The following RAD51B variants were observed in gnomAD, a reference collection of about 807,000 sequenced individuals.
RAD51B encodes the protein RAD51 paralog B.
Under a neutral mutation model 42.2 loss-of-function variants are expected in RAD51B, and 38 were observed. That is an observed-to-expected ratio of 0.90 (90% CI 0.70 to 1.18). RAD51B has a LOEUF of 1.18. RAD51B is among the 50% of genes most tolerant of loss of function. The probability of loss-of-function intolerance (pLI) is 0.00; values close to 1 mark genes in which losing one functional copy is unlikely to be tolerated. For missense variants in RAD51B, 373 were observed against 400.7 expected (o/e 0.93, Z 0.59); for synonymous variants, 154 against 145.2 (o/e 1.06, Z -0.43).
intron 10 of RAD51B, among the ~76,000 whole-genome samples, chr14:68,505,749 C>T (rs544605774): frequency 1.9e-4 from 29 of 152,148 alleles, no homozygotes; most frequent in Admixed American, 1.9e-3. Flanking sequence ...GATGGGGTTT[C>T]ACCATGTTGG....
At chr14:67,960,467 T>C (rs755514227) in intron 7 of RAD51B, among the ~76,000 whole-genome samples, 8 of 152,214 alleles carry the variant, frequency 5.3e-5, no homozygotes, top group Non-Finnish European at 1.2e-4. Flanking sequence ...TCTTTCACTT[T>C]AGAAAAATAG....
At chr14:68,358,633 G>A (rs554713883) in intron 8 of RAD51B, among the ~76,000 whole-genome samples, 2 of 152,010 alleles carry the variant, frequency 1.3e-5, no homozygotes, top group Non-Finnish European at 2.9e-5. Flanking sequence ...GCATCTTTTT[G>A]TATGTTTATT....
chr14:68,472,310 G>A (rs2086146447), intron 10 of RAD51B, among the ~76,000 whole-genome samples: 1 of 152,194 alleles, frequency 6.6e-6, no homozygotes, highest in Admixed American at 6.5e-5. Flanking sequence ...TCAAGGCCAA[G>A]AATAAAGATT....
rs1325376167 is a variant in RAD51B, at chr14:67,974,022, C to G, written c.756+86818C>G. On this transcript the variant is annotated intron_variant, in intron 7 of 10. Coordinates refer to ENST00000471583, the MANE Select transcript of RAD51B (RefSeq NM_133510.4). ...TTTTAGATTCAGATAAATGCTTTGA[C>G]ATTCCAAGTCAAAATTTGAGATGAT... is the stretch of plus-strand genomic sequence containing the variant. Among the ~76,000 whole-genome samples the G allele has an allele frequency of 3.3e-5, 5 of 152,024 alleles. No homozygotes were observed. The East Asian group carries it at 5.8e-4, about 18-fold the overall frequency.
At chr14:68,376,259 G>A (rs1460554298) in intron 8 of RAD51B, among the ~76,000 whole-genome samples, 5 of 151,974 alleles carry the variant, frequency 3.3e-5, no homozygotes, top group Admixed American at 6.6e-5. Context: ...TTGTATCTAC[G>A]ACCTCATGAA....
chr14:68,075,260 G>T (rs2076813882), intron 7 of RAD51B, among the ~76,000 whole-genome samples: 1 of 152,176 alleles, frequency 6.6e-6, no homozygotes, highest in African/African-American at 2.4e-5. Context: ...TCCTTGTAGG[G>T]TGGCTGTGGC....
intron 5 of RAD51B, among the ~76,000 whole-genome samples, chr14:67,882,233 A>G (rs1482808526): frequency 6.6e-6 from 1 of 151,994 alleles, no homozygotes; most frequent in Admixed American, 6.6e-5. Context: ...TTGGCCTCCT[A>G]AAGTGTTGGG....
chr14:68,157,661 T>C lies in RAD51B; in HGVS notation c.757-134223T>C, dbSNP rs192970872. On this transcript the variant is annotated intron_variant, in intron 7 of 10. Coordinates refer to ENST00000471583, the MANE Select transcript of RAD51B (RefSeq NM_133510.4). ...TATATTGTAATTCTGTTTTCTGTCT[T>C]ATTTCAGAAGCAGCAATCCAGATGA... Among the ~76,000 whole-genome samples, 188 of 152,354 alleles carry C rather than the reference T, an allele frequency of 1.2e-3. 1 individual carries two copies. The highest frequency in any genetic ancestry group is 2.2e-3 in the Non-Finnish European group (150 of 68,038).
intron 7 of RAD51B, among the ~76,000 whole-genome samples, chr14:68,290,661 T>C (rs1255607863): frequency 6.6e-6 from 1 of 152,222 alleles, no homozygotes; most frequent in East Asian, 1.9e-4. Flanking sequence ...AATTTAACTA[T>C]TTAAAAGAGG....
intron 7 of RAD51B, among the ~76,000 whole-genome samples, chr14:68,084,684 G>A (rs2076958810): frequency 6.6e-6 from 1 of 152,166 alleles, no homozygotes; most frequent in Non-Finnish European, 1.5e-5. Flanking sequence ...GCTCAATTTG[G>A]GGGAAATTTT....
intron 10 of RAD51B, among the ~76,000 whole-genome samples, chr14:68,535,565 T>G (rs1278296458): frequency 6.6e-6 from 1 of 152,162 alleles, no homozygotes; most frequent in Non-Finnish European, 1.5e-5. Context: ...ACAGCAGGCC[T>G]TAGGATCACC....
intron 8 of RAD51B, among the ~76,000 whole-genome samples, chr14:68,347,438 T>C (rs1458360142): frequency 1.3e-5 from 2 of 152,170 alleles, no homozygotes; most frequent in African/African-American, 2.4e-5. Context: ...TCCCAACATA[T>C]TGGGAGGCCA....
At chr14:68,275,836 A>C (rs2081212555) in intron 7 of RAD51B, among the ~76,000 whole-genome samples, 1 of 136,166 alleles carries the variant, frequency 7.3e-6, no homozygotes, top group African/African-American at 2.9e-5. Context: ...ACACACACAC[A>C]CACACCCTTG....
At chr14:68,284,135 G>A (rs2081372490) in intron 7 of RAD51B, among the ~76,000 whole-genome samples, 1 of 152,210 alleles carries the variant, frequency 6.6e-6, no homozygotes, top group Admixed American at 6.5e-5. Flanking sequence ...GGATTTCACA[G>A]TGAAATCTAC....
At chr14:68,115,550 A>T (rs2077531612) in intron 7 of RAD51B, among the ~76,000 whole-genome samples, 1 of 151,098 alleles carries the variant, frequency 6.6e-6, no homozygotes, top group African/African-American at 2.4e-5. Flanking sequence ...TATAAAAAAA[A>T]AAAAAAAAAA....
intron 4 of RAD51B, among the ~76,000 whole-genome samples, chr14:67,844,348 C>T (rs1392884805): frequency 6.6e-6 from 1 of 151,484 alleles, no homozygotes; most frequent in East Asian, 1.9e-4. Flanking sequence ...GTGGGGAGTT[C>T]TGTAGATGTC....
intron 7 of RAD51B, among the ~76,000 whole-genome samples, chr14:67,939,003 G>C (rs1025721311): frequency 1.3e-5 from 2 of 152,174 alleles, no homozygotes; most frequent in African/African-American, 4.8e-5. Context: ...AGCTCTGACT[G>C]TGAAACATTT....
intron 7 of RAD51B, among the ~76,000 whole-genome samples, chr14:67,940,054 A>ATAT (rs2045136393): frequency 6.9e-5 from 1 of 14,560 alleles, no homozygotes; most frequent in East Asian, 2.2e-3. Context: ...ATATATATAT[A>ATAT]TTTTTTTTTT....
At chr14:68,227,387 A>G (rs539098239) in intron 7 of RAD51B, among the ~76,000 whole-genome samples, 1 of 152,230 alleles carries the variant, frequency 6.6e-6, no homozygotes, top group Admixed American at 6.5e-5. Flanking sequence ...TTTAAATCCT[A>G]CTTTCCCACA....
Sources: gnomAD v4.1 joint callset for allele counts (sites outside exome capture counted in the v4.1 genomes callset) on GRCh38, gnomAD v4.1.1 for gene constraint, MANE v1.5 for transcripts, NCBI Gene and HGNC (gene_info 2026-07-23, HGNC 2026-07-21) for gene names.